Variants in CYP7B1 observed in about 807,000 individuals in gnomAD.
The protein encoded by CYP7B1 is cytochrome P450 7B1.
Under a neutral mutation model 42.7 loss-of-function variants are expected in CYP7B1, and 29 were observed. The ratio of observed to expected loss-of-function variants is 0.68; its 90% CI spans 0.51 to 0.93. CYP7B1 has a LOEUF of 0.93. Ranked by LOEUF, CYP7B1 falls within the 40% of genes least tolerant of loss-of-function variation. The pLI is 0.00. For missense variants in CYP7B1, 655 were observed against 600.5 expected, an observed-to-expected ratio of 1.09 and a Z score of -0.95; for synonymous variants, 235 against 218.2, an observed-to-expected ratio of 1.08 and a Z score of -0.68.
downstream of CYP7B1, among the ~76,000 whole-genome samples, chr8:64,587,596 G>C (rs1804985968): frequency 6.6e-6 from 1 of 152,212 alleles, no homozygotes; most frequent in South Asian, 2.1e-4. Context: ...ACGCAGCAGG[G>C]AAACTCTGCT....
At chr8:64,599,007 G>A (rs1805159278) in intron 5 of CYP7B1, among the ~76,000 whole-genome samples, 1 of 152,160 alleles carries the variant, frequency 6.6e-6, no homozygotes, top group East Asian at 1.9e-4. Flanking sequence ...GTTAAGAAGG[G>A]CCTGTGTCAG....
At chr8:64,729,921 T>C (rs1305319977) in intron 1 of CYP7B1, among the ~76,000 whole-genome samples, 1 of 152,250 alleles carries the variant, frequency 6.6e-6, no homozygotes, top group Non-Finnish European at 1.5e-5. Context: ...TCACCTTCAC[T>C]AAGTTCCTCT....
chr8:64,590,360 T>C (rs1408344391), downstream of CYP7B1, among the ~76,000 whole-genome samples: 1 of 152,216 alleles, frequency 6.6e-6, no homozygotes, highest in Non-Finnish European at 1.5e-5. Flanking sequence ...TCACCACCAT[T>C]CTGTAGTATA....
At chr8:64,681,364 G>A (rs539982773) in intron 1 of CYP7B1, among the ~76,000 whole-genome samples, 32 of 152,104 alleles carry the variant, frequency 2.1e-4, no homozygotes, top group Non-Finnish European at 4.0e-4. Context: ...AAAGACAGGT[G>A]TGCTCCTTTT....
At chr8:64,771,158 T>C (rs1370201182) in intron 1 of CYP7B1, among the ~76,000 whole-genome samples, 4 of 143,894 alleles carry the variant, frequency 2.8e-5, no homozygotes, top group Non-Finnish European at 6.0e-5. Flanking sequence ...CCTCCTGGGT[T>C]CAAGTGATTC....
intron 1 of CYP7B1, among the ~76,000 whole-genome samples, chr8:64,774,217 A>G (rs946089835): frequency 4.6e-5 from 7 of 152,208 alleles, no homozygotes; most frequent in African/African-American, 1.7e-4. Flanking sequence ...ATATCATGTA[A>G]TGGAATTTCT....
At chr8:64,624,951 C>CCTTTTTTTTTTTTTT (rs1805586879) in intron 1 of CYP7B1, among the ~76,000 whole-genome samples, 1 of 54,022 alleles carries the variant, frequency 1.9e-5, no homozygotes, top group African/African-American at 1.0e-4. Context: ...TTATATCATT[C>CCTTTTTTTTTTTTTT]TTTTTTTTTT....
chr8:64,643,979 C>T (rs887847026), intron 1 of CYP7B1, among the ~76,000 whole-genome samples: 1 of 152,118 alleles, frequency 6.6e-6, no homozygotes, highest in Admixed American at 6.5e-5. Flanking sequence ...CTCAAAGTCA[C>T]CTATAAGAAT....
At chr8:64,760,564 A>T (rs1010072267) in intron 1 of CYP7B1, among the ~76,000 whole-genome samples, 3 of 152,110 alleles carry the variant, frequency 2.0e-5, no homozygotes, top group Admixed American at 1.3e-4. Context: ...CATTTATATC[A>T]AGGACACAAA....
At chr8:64,757,827 A>G (rs1028872487) in intron 1 of CYP7B1, among the ~76,000 whole-genome samples, 2 of 152,230 alleles carry the variant, frequency 1.3e-5, no homozygotes, top group African/African-American at 4.8e-5. Context: ...TAACACCCAC[A>G]GAACTGCCTT....
chr8:64,776,652 A>G (rs535587122), intron 1 of CYP7B1, among the ~76,000 whole-genome samples: 2 of 152,274 alleles, frequency 1.3e-5, no homozygotes, highest in East Asian at 3.9e-4. Flanking sequence ...ATGCTCCCCC[A>G]CAATATGGCA....
chr8:64,793,118 G>T (rs1804647311), intron 1 of CYP7B1, among the ~76,000 whole-genome samples: 3 of 152,144 alleles, frequency 2.0e-5, no homozygotes, highest in Admixed American at 2.0e-4. Flanking sequence ...GGTCCAGAAG[G>T]AATACAGCCT....
chr8:64,660,872 T>C lies in CYP7B1; in HGVS notation c.123-36333A>G, dbSNP rs577101123. On this transcript the variant is annotated intron_variant, in intron 1 of 5. Transcript: ENST00000310193. ...GACTCAGGAATGAGGGAGTGGGTAA[T>C]TGCACTTTAGTGAGCAATACTCTAG... Among the ~76,000 whole-genome samples, 8 of 152,298 alleles carry C rather than the reference T, an allele frequency of 5.3e-5. No homozygotes were observed. The East Asian group carries it at 1.4e-3, about 26-fold the overall frequency.
Position 64,763,111 on chromosome 8 carries a change from G to A in CYP7B1, c.122+35355C>T, listed in dbSNP as rs546456828. Among the ~76,000 whole-genome samples, 19 of 152,242 alleles carry A rather than the reference G, an allele frequency of 1.2e-4. No individual in the cohort carries two copies. The South Asian group carries it at 3.1e-3, about 25-fold the overall frequency. Reference sequence around the variant, plus strand: ...TGCTGTTTGCCACTGTTGCAGACCCGCCACTGACTTCCACCCCTCCGGATC... The same window carrying A: ...TGCTGTTTGCCACTGTTGCAGACCCACCACTGACTTCCACCCCTCCGGATC... On this transcript the variant is annotated intron_variant, in intron 1 of 5. Coordinates refer to ENST00000310193, the MANE Select transcript of CYP7B1 (RefSeq NM_004820.5).
Position 64,594,184 on chromosome 8 carries a change from G to A in CYP7B1, c.*2458C>T, listed in dbSNP as rs1356122315. ...CTGAGATGGTTAGGCACAGTAGTGTGAGGATAGGTGATGGAAAAGCTTTTA... is the reference window on the plus strand; with the variant it reads ...CTGAGATGGTTAGGCACAGTAGTGTAAGGATAGGTGATGGAAAAGCTTTTA... On this transcript the variant is annotated 3_prime_UTR_variant, in exon 6 of 6. Transcript: ENST00000310193. Among the ~76,000 whole-genome samples, 4 of 152,168 alleles carry A rather than the reference G, an allele frequency of 2.6e-5. No homozygotes were observed. The highest frequency in any genetic ancestry group is 5.9e-5 in the Non-Finnish European group (4 of 68,032).
At chr8:64,640,068 T>C (rs758279205) in intron 1 of CYP7B1, among the ~76,000 whole-genome samples, 1 of 152,120 alleles carries the variant, frequency 6.6e-6, no homozygotes, top group Non-Finnish European at 1.5e-5. Context: ...CCTGATTCCA[T>C]TTATATGAAA....
intron 1 of CYP7B1, among the ~76,000 whole-genome samples, chr8:64,765,779 C>T (rs975844009): frequency 6.6e-6 from 1 of 152,074 alleles, no homozygotes; most frequent in African/African-American, 2.4e-5. Context: ...AATGTTCCCC[C>T]CAAGGCAAAA....
At chr8:64,677,706 GTTTT>G (rs11435388) in intron 1 of CYP7B1, among the ~76,000 whole-genome samples, 1 of 86,400 alleles carries the variant, frequency 1.2e-5, no homozygotes. Flanking sequence ...ACACTCCTTG[GTTTT>G]TTTTTTTTTT....
At chr8:64,689,149 A>G (rs1039934422) in intron 1 of CYP7B1, among the ~76,000 whole-genome samples, 4 of 152,216 alleles carry the variant, frequency 2.6e-5, no homozygotes, top group African/African-American at 9.7e-5. Context: ...ATATCAAACT[A>G]TAAAATCATG....
Sources: gnomAD v4.1 joint callset for allele counts (sites outside exome capture counted in the v4.1 genomes callset) on GRCh38, gnomAD v4.1.1 for gene constraint, MANE v1.5 for transcripts, NCBI Gene and HGNC (gene_info 2026-07-23, HGNC 2026-07-21) for gene names.